PAPPA2: variants seen among roughly 807,000 people sequenced by gnomAD.
PAPPA2 encodes the protein pappalysin-2.
Under a neutral mutation model 176.4 loss-of-function variants are expected in PAPPA2, and 86 were observed. The ratio of observed to expected loss-of-function variants is 0.49; its 90% CI spans 0.41 to 0.58. The LOEUF is 0.58. PAPPA2 is among the 20% of genes least tolerant of loss of function. The pLI is 0.00. For synonymous variants in PAPPA2, 809 were observed against 852.2 expected (o/e 0.95, Z 0.88); for missense variants, 2,073 against 2,256.9 (o/e 0.92, Z 1.65).
chr1:176,765,739 T>A lies in PAPPA2; in HGVS notation c.4225T>A (p.Cys1409Ser). Residue 1409 changes from cysteine to serine, a missense_variant, in exon 15 of 23, where the codon TGT becomes AGT. By Grantham distance (112) the Cys-to-Ser change is moderately radical. Coordinates refer to ENST00000367662, the MANE Select transcript of PAPPA2 (RefSeq NM_020318.3). ...LLLDHADVVN[C>S]TSIGPGLMKC... The stretch of plus-strand genomic sequence containing the variant: ...GCTTGATCATGCTGATGTGGTGAAC[T>A]GTACCTCTATAGGCCCAGGTCTCAT... The A allele has an allele frequency of 6.2e-7, 1 of 1,614,126 alleles. No individual in the cohort carries two copies. The highest frequency in any genetic ancestry group is 8.5e-7 in the Non-Finnish European group (1 of 1,180,038).
chr1:176,809,608 G>A (rs1666054696), intron 21 of PAPPA2, among the ~76,000 whole-genome samples: 1 of 152,162 alleles, frequency 6.6e-6, no homozygotes, highest in East Asian at 1.9e-4. Flanking sequence ...ATGGGATGCA[G>A]AGGCCAATAT....
At chr1:176,742,727 G>C (rs114098547) in intron 14 of PAPPA2, among the ~76,000 whole-genome samples, 1 of 152,114 alleles carries the variant, frequency 6.6e-6, no homozygotes, top group Non-Finnish European at 1.5e-5. Flanking sequence ...TTTGCAGCCT[G>C]TGTCTGTCAC....
intron 21 of PAPPA2, among the ~76,000 whole-genome samples, chr1:176,813,632 G>A (rs1666264215): frequency 6.6e-6 from 1 of 151,988 alleles, no homozygotes; most frequent in South Asian, 2.1e-4. Flanking sequence ...GTTTTTAATA[G>A]CATTGTTTTT....
At chr1:176,662,064 G>A (rs1489497743) in intron 3 of PAPPA2, among the ~76,000 whole-genome samples, 2 of 152,050 alleles carry the variant, frequency 1.3e-5, no homozygotes, top group Non-Finnish European at 2.9e-5. Flanking sequence ...TCTTTTCATT[G>A]CCAGGGTCTA....
chr1:176,564,728 T>A lies in PAPPA2; in HGVS notation c.919+7487T>A, dbSNP rs538002233. ...TATTTATTTCTTTCCTTTTCTTTTTTTTTTTTTTTTTAGAAAAAAGCATAC... is the reference window on the plus strand; with the variant it reads ...TATTTATTTCTTTCCTTTTCTTTTTATTTTTTTTTTTAGAAAAAAGCATAC... On this transcript the variant is annotated intron_variant, in intron 2 of 22. Transcript: ENST00000367662. 9.9e-5 allele frequency among the ~76,000 whole-genome samples: 15 copies of A among 151,646 alleles called. No homozygotes were observed. The East Asian group carries it at 2.5e-3, about 25-fold the overall frequency.
At chr1:176,528,143 T>C (rs982992497) in intron 1 of PAPPA2, among the ~76,000 whole-genome samples, 12 of 152,142 alleles carry the variant, frequency 7.9e-5, no homozygotes, top group South Asian at 2.1e-4. Context: ...CTGCATTCAA[T>C]TGGACTGCAT....
chr1:176,793,520 G>T, intron 19 of PAPPA2, 40 bp from the exon 20 acceptor site: 2 of 1,492,052 alleles, frequency 1.3e-6, no homozygotes, highest in South Asian at 1.1e-5. Context: ...AATGAGATCT[G>T]GGAAGTTCAA....
chr1:176,703,192 T>C (rs928946166), intron 9 of PAPPA2, among the ~76,000 whole-genome samples: 1 of 152,206 alleles, frequency 6.6e-6, no homozygotes, highest in Admixed American at 6.5e-5. Flanking sequence ...AAATTCAGTA[T>C]AGCTTTCGGA....
At chr1:176,665,205 A>G (rs1018012624) in intron 3 of PAPPA2, among the ~76,000 whole-genome samples, 3 of 152,194 alleles carry the variant, frequency 2.0e-5, no homozygotes, top group African/African-American at 4.8e-5. Flanking sequence ...ATCAAATTAC[A>G]TTAGCTCAAT....
intron 3 of PAPPA2, among the ~76,000 whole-genome samples, chr1:176,604,279 C>T (rs532337511): frequency 7.9e-5 from 12 of 152,160 alleles, no homozygotes; most frequent in Admixed American, 6.5e-4. Flanking sequence ...CACAAACATG[C>T]TATTTTGTTT....
rs904931407 is a variant in PAPPA2, at chr1:176,512,291, C to T, written c.-916-43116C>T. On this transcript the variant is annotated intron_variant, in intron 1 of 22. Coordinates refer to ENST00000367662, the MANE Select transcript of PAPPA2 (RefSeq NM_020318.3). ...ATGTGGAGCAACTGGAACTTTCATA[C>T]ACTGTTGGTGGGAATGTGAAATGGT... Among the ~76,000 whole-genome samples, 70 of 148,520 alleles carry T rather than the reference C, an allele frequency of 4.7e-4. 1 individual carries two copies. Among genetic ancestry groups the T allele is most frequent in the African/African-American group, 1.7e-3 (68 of 40,338 alleles).
chr1:176,591,476 A>G (rs1653661495), intron 2 of PAPPA2, among the ~76,000 whole-genome samples: 1 of 147,398 alleles, frequency 6.8e-6, no homozygotes, highest in East Asian at 1.9e-4. Flanking sequence ...TGCTGCTCCC[A>G]GAGCTATTTA....
intron 14 of PAPPA2, among the ~76,000 whole-genome samples, chr1:176,746,559 A>G (rs1487125526): frequency 6.6e-6 from 1 of 152,144 alleles, no homozygotes; most frequent in African/African-American, 2.4e-5. Context: ...GGCGAATACT[A>G]TTTTAAAATA....
rs935614960 is a variant in PAPPA2 at position 176,838,087 on chromosome 1, A to G, written c.5203-2086A>G. ...AGATGACTCTTTAAGAGCAGAAAAG[A>G]AGGAGCTTTTAGAAATAATTCCCAG... On this transcript the variant is annotated intron_variant, in intron 21 of 22. Coordinates refer to ENST00000367662, the MANE Select transcript of PAPPA2 (RefSeq NM_020318.3). Among the ~76,000 whole-genome samples the G allele has an allele frequency of 2.6e-5, 4 of 152,190 alleles. No individual in the cohort carries two copies. In the South Asian group the frequency reaches 8.3e-4, roughly 31 times the overall value.
rs1178514741 is a variant in PAPPA2, at chr1:176,595,341, C to T, written c.1737C>T (p.His579=). Residue 579 remains histidine, a synonymous_variant, in exon 3 of 23, where the codon CAC becomes CAT. Transcript: ENST00000367662. ...VHQVHNSTLR[H]RVVLVNCEPS... ...AGGTCCACAATTCCACCCTGCGACA[C>T]CGGGTTGTGCTTGTGAACTGTGAGC... 6.2e-7 allele frequency: 1 copy of T among 1,614,066 alleles called. No homozygotes were observed. Among genetic ancestry groups the T allele is most frequent in the Non-Finnish European group, 8.5e-7 (1 of 1,180,036 alleles).
chr1:176,703,481 T>C lies in PAPPA2; in HGVS notation c.3365+746T>C, dbSNP rs143079789. 5.1e-3 allele frequency among the ~76,000 whole-genome samples: 784 copies of C among 152,322 alleles called. 13 individuals carry two copies. The highest frequency in any genetic ancestry group is 0.017 in the African/African-American group (714 of 41,564). On this transcript the variant is annotated intron_variant, in intron 9 of 22. Transcript: ENST00000367662. ...AACCTAACTTTAATGCTCATCTATTTGTTACTTATATAAAGCTGCTGGGAT... is the reference window on the plus strand; with the variant it reads ...AACCTAACTTTAATGCTCATCTATTCGTTACTTATATAAAGCTGCTGGGAT...
chr1:176,510,548 T>C (rs1029051202), intron 1 of PAPPA2, among the ~76,000 whole-genome samples: 1 of 152,068 alleles, frequency 6.6e-6, no homozygotes, highest in South Asian at 2.1e-4. Flanking sequence ...AGGAAGAAAT[T>C]AGAGCTACAT....
At chr1:176,734,161 G>T in intron 12 of PAPPA2, among the ~76,000 whole-genome samples, 1 of 152,080 alleles carries the variant, frequency 6.6e-6, no homozygotes, top group East Asian at 1.9e-4. Context: ...CTCCTTCCAA[G>T]TTCTATAAGC....
intron 1 of PAPPA2, among the ~76,000 whole-genome samples, chr1:176,469,458 T>C (rs1018535442): frequency 6.6e-6 from 1 of 152,090 alleles, no homozygotes; most frequent in African/African-American, 2.4e-5. Context: ...GAGTGGAACA[T>C]GGAAAACGGC....
Sources: allele counts gnomAD v4.1 joint callset (sites outside exome capture counted in the v4.1 genomes callset), GRCh38; gene constraint gnomAD v4.1.1; transcripts MANE v1.5; gene names NCBI Gene and HGNC (gene_info 2026-07-23, HGNC 2026-07-21).